MYOM2: variants seen among roughly 807,000 people sequenced by gnomAD.
The protein encoded by MYOM2 is myomesin-2.
In MYOM2, 254 loss-of-function variants were observed where a neutral mutation model predicts 187.6. That is an observed-to-expected ratio of 1.35 (90% CI 1.22 to 1.50). The LOEUF (loss-of-function observed/expected upper bound fraction) is 1.50. MYOM2 is among the 40% of genes most tolerant of loss of function. MYOM2 has a pLI of 0.00. For synonymous variants in MYOM2, 981 were observed against 753.8 expected (o/e 1.30, Z -4.94); for missense variants, 2,796 against 1,924.0 (o/e 1.45, Z -8.48).
At chr8:2,139,567 G>A (rs953745237) in intron 32 of MYOM2, among the ~76,000 whole-genome samples, 1 of 152,190 alleles carries the variant, frequency 6.6e-6, no homozygotes, top group African/African-American at 2.4e-5. Context: ...ATTCTTGGTT[G>A]CCGGCAAGGG....
chr8:2,079,579 G>C lies in MYOM2; in HGVS notation c.1482G>C (p.Glu494Asp), dbSNP rs1044098127. The change falls in exon 13 of 37, where the codon GAG becomes GAC. Residue 494 changes from glutamate to aspartate, a missense_variant. Coordinates refer to ENST00000262113, the MANE Select transcript of MYOM2 (RefSeq NM_003970.4). ...RRLQAVHLEG[E>D]KEIAIYQDDL... ...CCGCAGCCGTTCATTTGGAGGGAGA[G>C]AAGGAGATTGCCATTTATCAGGATG... The C allele has an allele frequency of 1.2e-6, 2 of 1,614,040 alleles. No homozygotes were observed. Among genetic ancestry groups the C allele is most frequent in the African/African-American group, 2.7e-5 (2 of 74,918 alleles).
intron 6 of MYOM2, 58 bp from the exon 7 acceptor site, chr8:2,069,220 G>A (rs1170482305): frequency 1.3e-6 from 2 of 1,520,476 alleles, no homozygotes; most frequent in East Asian, 2.3e-5. Flanking sequence ...GTGCAATTCG[G>A]GTCACTGACT....
chr8:2,073,525 T>TG (rs3215427), intron 10 of MYOM2, 25 bp downstream of exon 10: 86,139 of 1,577,246 alleles, frequency 0.055, 5,595 homozygotes, highest in African/African-American at 0.33. Context: ...GTTCTCAGGG[T>TG]GCAGACCTTG....
At chr8:2,070,830 G>A (rs552985418) in intron 8 of MYOM2, among the ~76,000 whole-genome samples, 1 of 152,320 alleles carries the variant, frequency 6.6e-6, no homozygotes, top group African/African-American at 2.4e-5. Flanking sequence ...CCATTGTACA[G>A]CGTACAGCTC....
In MYOM2 at chr8:2,125,677, G is replaced by A. The variant is rs566772883; in HGVS notation, c.3694+1460G>A. Among the ~76,000 whole-genome samples, 57 of 129,976 alleles carry A rather than the reference G, an allele frequency of 4.4e-4. No individual in the cohort carries two copies. The Admixed American group carries it at 4.9e-3, about 11-fold the overall frequency. 85.3% of individuals were successfully genotyped at this position (129,976 alleles called of 152,430 possible). The stretch of plus-strand genomic sequence containing the variant: ...GGCTGTAGTGCAGTGGGTGAATCTC[G>A]GCTCACTGCAACCTCCATCTCCTGG... On this transcript the variant is annotated intron_variant, in intron 31 of 36. Coordinates refer to ENST00000262113, the MANE Select transcript of MYOM2 (RefSeq NM_003970.4).
intron 27 of MYOM2, among the ~76,000 whole-genome samples, chr8:2,116,739 C>G (rs951129433): frequency 6.6e-6 from 1 of 152,058 alleles, no homozygotes; most frequent in Non-Finnish European, 1.5e-5. Context: ...CTCAAACATA[C>G]CCCAAGGGTT....
Position 2,143,394 on chromosome 8 carries a change from G to A in MYOM2, c.4025-7G>A, listed in dbSNP as rs2280907. The A allele has an allele frequency of 2.7e-3, 4,317 of 1,614,116 alleles. 62 individuals carry two copies. The East Asian group carries it at 0.037, about 14-fold the overall frequency. On this transcript the variant is annotated splice_region_variant and splice_polypyrimidine_tract_variant and intron_variant, in intron 35 of 36. Transcript: ENST00000262113. ...GTTTTCCTAACCAAGGTGCTTTCCC[G>A]TTGCAGATCGTGGCAGGTTGATCGG...
intron 11 of MYOM2, among the ~76,000 whole-genome samples, chr8:2,076,981 G>A (rs1819446761): frequency 1.3e-5 from 2 of 152,180 alleles, no homozygotes; most frequent in Non-Finnish European, 2.9e-5. Context: ...AATTATAGTT[G>A]AAGAAAATGA....
At chr8:2,050,634 TCCC>T in intron 1 of MYOM2, 118 bp from the exon 2 acceptor site, 2 of 547,860 alleles carry the variant, frequency 3.7e-6, no homozygotes, top group Admixed American at 3.0e-5. Flanking sequence ...TTTCATTTTT[TCCC>T]TTCCCAAGGG....
chr8:2,060,188 G>T (rs1818805762), intron 6 of MYOM2, among the ~76,000 whole-genome samples: 1 of 152,048 alleles, frequency 6.6e-6, no homozygotes, highest in African/African-American at 2.4e-5. Context: ...CCTTCCTATG[G>T]CTCTCATGTT....
intron 5 of MYOM2, among the ~76,000 whole-genome samples, chr8:2,058,609 G>T (rs149503232): frequency 1.3e-5 from 2 of 152,302 alleles, no homozygotes; most frequent in Non-Finnish European, 2.9e-5. Flanking sequence ...GTGGGGTTGG[G>T]ACTCTGAGCC....
chr8:2,140,489 T>G (rs190141575), intron 32 of MYOM2, among the ~76,000 whole-genome samples: 1 of 152,350 alleles, frequency 6.6e-6, no homozygotes, highest in African/African-American at 2.4e-5. Flanking sequence ...TCGTGACAAG[T>G]ATATATTACA....
At chr8:2,047,377 A>T (rs1406045530) in intron 1 of MYOM2, among the ~76,000 whole-genome samples, 1 of 152,202 alleles carries the variant, frequency 6.6e-6, no homozygotes, top group Admixed American at 6.5e-5. Flanking sequence ...ACACACATTC[A>T]GGGTGGGTGA....
intron 13 of MYOM2, among the ~76,000 whole-genome samples, chr8:2,082,385 TC>T (rs1249512663): frequency 7.0e-6 from 1 of 143,292 alleles, no homozygotes; most frequent in East Asian, 2.1e-4. Context: ...GTGTCTTTTT[TC>T]TTCAGCTGAT....
intron 1 of MYOM2, among the ~76,000 whole-genome samples, chr8:2,050,377 T>G (rs1414353638): frequency 6.6e-6 from 1 of 152,236 alleles, no homozygotes; most frequent in Non-Finnish European, 1.5e-5. Context: ...TATGTTCTCT[T>G]GTATTCTAAG....
chr8:2,122,179 T>G (rs1797480670), intron 28 of MYOM2, among the ~76,000 whole-genome samples: 1 of 151,978 alleles, frequency 6.6e-6, no homozygotes, highest in African/African-American at 2.4e-5. Context: ...CCAAAGAAAA[T>G]TTTGAAATGT....
intron 28 of MYOM2, among the ~76,000 whole-genome samples, chr8:2,120,680 T>TATATATATATATATATATATATATAATA: frequency 2.1e-5 from 1 of 48,298 alleles, no homozygotes; most frequent in African/African-American, 6.6e-5. Flanking sequence ...ATATATTATA[T>TATATATATATATATATATATATATAATA]TATATATAAA....
chr8:2,072,292 C>T (rs997485938), intron 8 of MYOM2, 53 bp from the exon 9 acceptor site: 36 of 1,366,516 alleles, frequency 2.6e-5, no homozygotes, highest in African/African-American at 1.4e-4. Flanking sequence ...AAGCCTCCAT[C>T]GTTTCATGCT....
intron 21 of MYOM2, among the ~76,000 whole-genome samples, chr8:2,103,952 G>A (rs114985574): frequency 0.013 from 1,912 of 152,214 alleles, 36 homozygotes; most frequent in African/African-American, 0.04. Flanking sequence ...ATGTCTTGCC[G>A]TTATTTTAAA....
Sources: allele counts gnomAD v4.1 joint callset (sites outside exome capture counted in the v4.1 genomes callset), GRCh38; gene constraint gnomAD v4.1.1; transcripts MANE v1.5; gene names NCBI Gene and HGNC (gene_info 2026-07-23, HGNC 2026-07-21).